KCNH8: variants seen among roughly 807,000 people sequenced by gnomAD.
KCNH8 encodes the protein voltage-gated delayed rectifier potassium channel KCNH8.
In KCNH8, 70 loss-of-function variants were observed where a neutral mutation model predicts 103.6. That is an observed-to-expected ratio of 0.68 (90% CI 0.56 to 0.82). The LOEUF (loss-of-function observed/expected upper bound fraction) is 0.82, where lower values mean the gene tolerates loss of function less well. Among genes scored for constraint, KCNH8 ranks in the 40% least tolerant of loss-of-function variants. The pLI is 0.00. For missense variants in KCNH8, 1,217 were observed against 1,329.9 expected (o/e 0.92, Z 1.32); for synonymous variants, 498 against 489.4 (o/e 1.02, Z -0.23).
At chr3:19,489,158 G>A (rs2068269390) in intron 11 of KCNH8, among the ~76,000 whole-genome samples, 1 of 152,138 alleles carries the variant, frequency 6.6e-6, no homozygotes, top group Non-Finnish European at 1.5e-5. Context: ...TCTATGCTGG[G>A]TGGTCTAGGA....
chr3:19,407,517 C>A (rs1316279425), intron 7 of KCNH8, among the ~76,000 whole-genome samples: 1 of 152,056 alleles, frequency 6.6e-6, no homozygotes, highest in South Asian at 2.1e-4. Context: ...CCCCACCCCT[C>A]CTGTGAAGAG....
intron 14 of KCNH8, among the ~76,000 whole-genome samples, chr3:19,517,506 C>G (rs2125245469): frequency 6.6e-6 from 1 of 152,008 alleles, no homozygotes; most frequent in East Asian, 1.9e-4. Context: ...GGAGAAATTA[C>G]CCTTTAGAGT....
rs191132352 is a variant in KCNH8, at chr3:19,423,250, T to G, written c.1178-14914T>G. Among the ~76,000 whole-genome samples the G allele has an allele frequency of 3.4e-3, 517 of 152,204 alleles. 4 individuals are homozygous for G. The highest frequency in any genetic ancestry group is 5.4e-3 in the Non-Finnish European group (366 of 67,962). On this transcript the variant is annotated intron_variant, in intron 7 of 15. Transcript: ENST00000328405. ...TCTCAAAGCCTCGGTATCTTTTGCC[T>G]TATTATTTCTCTTAAAATTATTTCT...
chr3:19,488,743 C>A (rs905144210), intron 11 of KCNH8, among the ~76,000 whole-genome samples: 2 of 152,148 alleles, frequency 1.3e-5, no homozygotes, highest in African/African-American at 4.8e-5. Flanking sequence ...CTGTTCCTTG[C>A]AGCTGAATCC....
At chr3:19,218,621 A>G (rs1468506158) in intron 1 of KCNH8, among the ~76,000 whole-genome samples, 1 of 152,134 alleles carries the variant, frequency 6.6e-6, no homozygotes, top group Non-Finnish European at 1.5e-5. Flanking sequence ...TGCCTATTGC[A>G]TTACTTTGCT....
chr3:19,477,378 A>G (rs2067998559), intron 11 of KCNH8, among the ~76,000 whole-genome samples: 1 of 151,954 alleles, frequency 6.6e-6, no homozygotes, highest in Admixed American at 6.6e-5. Context: ...GATGCCAGAC[A>G]TTGGACCGAG....
chr3:19,497,931 G>A (rs1336308684), intron 11 of KCNH8, among the ~76,000 whole-genome samples: 1 of 152,048 alleles, frequency 6.6e-6, no homozygotes, highest in African/African-American at 2.4e-5. Flanking sequence ...CTCCCTTGAA[G>A]GCATATATAT....
chr3:19,275,776 C>T (rs950575030), intron 2 of KCNH8, among the ~76,000 whole-genome samples: 39 of 152,178 alleles, frequency 2.6e-4, no homozygotes, highest in African/African-American at 9.2e-4. Flanking sequence ...TTTGCACGTC[C>T]ATCACATTCC....
chr3:19,170,645 T>C (rs188735647), intron 1 of KCNH8, among the ~76,000 whole-genome samples: 1,458 of 138,776 alleles, frequency 0.011, 34 homozygotes, highest in African/African-American at 0.04. Context: ...CACATATATA[T>C]ACACACACAT....
chr3:19,477,424 CT>C (rs898684189), intron 11 of KCNH8, among the ~76,000 whole-genome samples: 630 of 130,532 alleles, frequency 4.8e-3, no homozygotes, highest in Non-Finnish European at 5.4e-3. Flanking sequence ...TTTTGGTTTT[CT>C]TTTTTTTTTT....
In KCNH8 at chr3:19,395,113, G is replaced by A. The variant is rs768032265; in HGVS notation, c.979G>A (p.Val327Met). The A allele has an allele frequency of 9.9e-6, 16 of 1,611,296 alleles. No individual in the cohort carries two copies. Among genetic ancestry groups the A allele is most frequent in the Admixed American group, 3.3e-5 (2 of 59,848 alleles). Residue 327 changes from valine to methionine, a missense_variant, in exon 7 of 16, where the codon GTG becomes ATG. Coordinates refer to ENST00000328405, the MANE Select transcript of KCNH8 (RefSeq NM_144633.3). Reference sequence around the variant, plus strand: ...CTGTCTCTTACCACAGGTGTCTCTCGTGCATCTTCTAAAGACAGTGCGCCT... The same window carrying A: ...CTGTCTCTTACCACAGGTGTCTCTCATGCATCTTCTAAAGACAGTGCGCCT... ...YAFNVTVVSL[V>M]HLLKTVRLLR...
rs761223274 is a variant in KCNH8 at position 19,513,247 on chromosome 3, A to G, written c.2357A>G (p.His786Arg). ...KTKQEIDPPN[H>R]NKRKEKNLKL... The stretch of plus-strand genomic sequence containing the variant: ...AAGCAGGAAATTGACCCCCCCAACC[A>G]TAATAAAAGGAAAGAGAAGAACTTG... The change falls in exon 13 of 16, where the codon CAT becomes CGT. Residue 786 changes from histidine (H) to arginine (R), a missense_variant. This residue lies in a region of KCNH8 where 558 missense variants were observed against 495.8 expected (regional missense o/e 1.13). Transcript: ENST00000328405. 9.3e-6 allele frequency: 15 copies of G among 1,613,444 alleles called. No individual in the cohort carries two copies. In the South Asian group the frequency reaches 1.3e-4, roughly 14 times the overall value.
Position 19,202,192 on chromosome 3 carries a change from T to A in KCNH8, c.77-51462T>A, listed in dbSNP as rs181868775. Among the ~76,000 whole-genome samples, 5 of 152,304 alleles carry A rather than the reference T, an allele frequency of 3.3e-5. No homozygotes were observed. The East Asian group carries it at 9.6e-4, about 29-fold the overall frequency. On this transcript the variant is annotated intron_variant, in intron 1 of 15. Transcript: ENST00000328405. ...TGTCCTGTTTTGCTTAGGCCGGTCC[T>A]GGCTTATGCCTGTTGTCCCATCATT... is the stretch of plus-strand genomic sequence containing the variant.
intron 7 of KCNH8, among the ~76,000 whole-genome samples, chr3:19,409,402 G>T (rs543516766): frequency 6.6e-6 from 1 of 151,974 alleles, no homozygotes; most frequent in Non-Finnish European, 1.5e-5. Context: ...GATAACTGCC[G>T]CTACAAAAAC....
At chr3:19,461,488 C>T (rs2067627209) in intron 11 of KCNH8, among the ~76,000 whole-genome samples, 1 of 152,084 alleles carries the variant, frequency 6.6e-6, no homozygotes, top group African/African-American at 2.4e-5. Flanking sequence ...TTGATTTTCA[C>T]AGACAAAACC....
intron 7 of KCNH8, among the ~76,000 whole-genome samples, chr3:19,410,313 A>G (rs2066757264): frequency 6.6e-6 from 1 of 152,158 alleles, no homozygotes; most frequent in Non-Finnish European, 1.5e-5. Flanking sequence ...ACAAAGAATC[A>G]AGGCAGAAAT....
chr3:19,520,412 T>A (rs1314621576), intron 15 of KCNH8, among the ~76,000 whole-genome samples: 1 of 152,024 alleles, frequency 6.6e-6, no homozygotes, highest in Non-Finnish European at 1.5e-5. Context: ...TAATTTAATT[T>A]ATACACAGTT....
chr3:19,170,604 A>ATATG (rs1422173221), intron 1 of KCNH8, among the ~76,000 whole-genome samples: 1 of 144,412 alleles, frequency 6.9e-6, no homozygotes, highest in Non-Finnish European at 1.5e-5. Flanking sequence ...ATATATATAT[A>ATATG]TATATGTATA....
At chr3:19,507,541 A>T (rs1372399053) in intron 11 of KCNH8, among the ~76,000 whole-genome samples, 2 of 152,104 alleles carry the variant, frequency 1.3e-5, no homozygotes, top group African/African-American at 4.8e-5. Context: ...GGGCAGTACC[A>T]TTGCAGCTGC....
Sources: gnomAD v4.1 joint callset for allele counts (sites outside exome capture counted in the v4.1 genomes callset) on GRCh38, gnomAD v4.1.1 for gene constraint, gnomAD v4.1.1 regional missense constraint, MANE v1.5 for transcripts, NCBI Gene and HGNC (gene_info 2026-07-23, HGNC 2026-07-21) for gene names.